The following SGCD variants were observed in gnomAD, a reference collection of about 807,000 sequenced individuals.
SGCD encodes the protein sarcoglycan delta, also known as delta-sarcoglycan.
In SGCD, 18 loss-of-function variants were observed where a neutral mutation model predicts 36.6. The observed-to-expected ratio is 0.49, with a 90% CI of 0.34 to 0.73. SGCD has a LOEUF of 0.73. Among genes scored for constraint, SGCD ranks in the 30% least tolerant of loss-of-function variants. The pLI is 0.01. For synonymous variants in SGCD, 133 were observed against 130.6 expected, an observed-to-expected ratio of 1.02 and a Z score of -0.12; for missense variants, 387 against 346.7, an observed-to-expected ratio of 1.12 and a Z score of -0.92.
chr5:156,375,031 A>G (rs1187648041), intron 3 of SGCD, among the ~76,000 whole-genome samples: 1 of 152,186 alleles, frequency 6.6e-6, no homozygotes, highest in African/African-American at 2.4e-5. Context: ...ATTTACCAAA[A>G]AATTGCAAGA....
At chr5:156,251,945 A>T (rs10039209) in intron 3 of SGCD, among the ~76,000 whole-genome samples, 3,049 of 152,312 alleles carry the variant, frequency 0.02, 79 homozygotes, top group African/African-American at 0.065. Flanking sequence ...TCTAAAAAGC[A>T]TCTTTGTTTC....
intron 1 of SGCD, among the ~76,000 whole-genome samples, chr5:156,074,168 A>G (rs1302807551): frequency 1.3e-5 from 2 of 152,238 alleles, no homozygotes; most frequent in Admixed American, 1.3e-4. Flanking sequence ...CCACATATGG[A>G]CTACATGAGA....
rs908227668 is a variant in SGCD, at chr5:156,032,534, T to C, written c.-281-85344T>C. On this transcript the variant is annotated intron_variant, in intron 1 of 9. Transcript: ENST00000517913. ...GAGATTGAAACCATCCTGGCTAACA[T>C]GGTGAAAACCCGTCTCTACTAAATA... 7.3e-5 allele frequency among the ~76,000 whole-genome samples: 11 copies of C among 151,038 alleles called. No homozygotes were observed. The East Asian group carries it at 1.8e-3, about 24-fold the overall frequency.
intron 3 of SGCD, among the ~76,000 whole-genome samples, chr5:156,126,752 C>T (rs1442398285): frequency 6.6e-6 from 1 of 152,268 alleles, no homozygotes; most frequent in East Asian, 1.9e-4. Context: ...AAAGGCAAAT[C>T]AAAGTTCCAA....
chr5:156,297,026 TATAA>T lies in SGCD; in HGVS notation c.-43-32504_-43-32501del, dbSNP rs958507243. 1.7e-3 allele frequency among the ~76,000 whole-genome samples: 237 copies of T among 141,120 alleles called. 2 individuals are homozygous for T. The highest frequency in any genetic ancestry group is 6.5e-3 in the African/African-American group (213 of 32,920). The allele number at this position is 141,120 out of a possible 152,430, so 92.6% of individuals were successfully genotyped here. On this transcript the variant is annotated intron_variant, in intron 3 of 9. Coordinates refer to the SGCD transcript ENST00000517913. ...TTTTTAATTTTATGTGTGTATAGCATATAAATATATATATATATATGGGATATAT... is the reference window on the plus strand; with the variant it reads ...TTTTTAATTTTATGTGTGTATAGCATATATATATATATATATGGGATATAT...
chr5:156,171,417 C>A (rs577310631), intron 3 of SGCD, among the ~76,000 whole-genome samples: 1 of 152,138 alleles, frequency 6.6e-6, no homozygotes, highest in Non-Finnish European at 1.5e-5. Flanking sequence ...ATCTAAACAG[C>A]TACATTTTTT....
chr5:155,929,538 A>T (rs1757059461), intron 1 of SGCD, among the ~76,000 whole-genome samples: 1 of 152,098 alleles, frequency 6.6e-6, no homozygotes. Context: ...AGCTCAGCTC[A>T]TAGAGTAGCC....
intron 1 of SGCD, among the ~76,000 whole-genome samples, chr5:155,959,300 T>C (rs1318786178): frequency 6.6e-6 from 1 of 152,180 alleles, no homozygotes; most frequent in Non-Finnish European, 1.5e-5. Flanking sequence ...CCAGGAGGCC[T>C]GGGCCAGTGC....
chr5:156,637,830 G>A (rs561695352), intron 6 of SGCD, among the ~76,000 whole-genome samples: 11 of 152,194 alleles, frequency 7.2e-5, no homozygotes, highest in African/African-American at 1.4e-4. Context: ...TAAAGCTTTC[G>A]TAACAGGACT....
chr5:156,708,023 A>G (rs1023869366), intron 7 of SGCD, among the ~76,000 whole-genome samples: 1 of 152,200 alleles, frequency 6.6e-6, no homozygotes, highest in African/African-American at 2.4e-5. Context: ...GAATTCTACC[A>G]TCCTGATCCT....
chr5:156,478,382 G>A (rs1449507266), intron 3 of SGCD, among the ~76,000 whole-genome samples: 1 of 152,104 alleles, frequency 6.6e-6, no homozygotes, highest in African/African-American at 2.4e-5. Flanking sequence ...AGGTGGCTCT[G>A]CTCCCCCTGG....
chr5:155,928,637 C>T (rs1757038490), intron 1 of SGCD, among the ~76,000 whole-genome samples: 1 of 139,432 alleles, frequency 7.2e-6, no homozygotes, highest in Admixed American at 7.6e-5. Flanking sequence ...CACTGCACTC[C>T]AGCCTGCTGA....
rs536468189 is a variant in SGCD at position 156,707,033 on chromosome 5, A to T, written c.576-50548A>T. ...AAAGAACAGAATAACAGAAAGTGACATGTATTCCAAAAAACACAACCACTT... is the reference window on the plus strand; with the variant it reads ...AAAGAACAGAATAACAGAAAGTGACTTGTATTCCAAAAAACACAACCACTT... On this transcript the variant is annotated intron_variant, in intron 7 of 8. Coordinates refer to ENST00000337851, the MANE Select transcript of SGCD (RefSeq NM_000337.6). Among the ~76,000 whole-genome samples the T allele has an allele frequency of 2.0e-5, 3 of 152,308 alleles. No individual in the cohort carries two copies. In the East Asian group the frequency reaches 5.8e-4, roughly 29 times the overall value.
intron 6 of SGCD, among the ~76,000 whole-genome samples, chr5:156,613,475 C>T (rs572773224): frequency 1.3e-5 from 2 of 152,320 alleles, no homozygotes; most frequent in African/African-American, 4.8e-5. Context: ...AGGCTGGTCT[C>T]ACTGTCATAT....
At chr5:156,634,383 CTGCACATCCT>C (rs1480503286) in intron 6 of SGCD, among the ~76,000 whole-genome samples, 1 of 152,048 alleles carries the variant, frequency 6.6e-6, no homozygotes, top group Admixed American at 6.6e-5. Flanking sequence ...TGTAACCAAC[CTGCACATCCT>C]TGCACATCCT....
intron 3 of SGCD, among the ~76,000 whole-genome samples, chr5:156,224,897 C>T (rs1262290307): frequency 6.6e-6 from 1 of 152,062 alleles, no homozygotes; most frequent in Non-Finnish European, 1.5e-5. Context: ...ATAAAGTAGA[C>T]AAAATCTTCC....
intron 3 of SGCD, among the ~76,000 whole-genome samples, chr5:156,266,766 C>G (rs1483246039): frequency 7.0e-6 from 1 of 143,134 alleles, no homozygotes; most frequent in Admixed American, 7.1e-5. Context: ...CTGTGACCCA[C>G]TGGCCCCACT....
intron 7 of SGCD, among the ~76,000 whole-genome samples, chr5:156,694,666 T>G (rs1754237707): frequency 6.6e-6 from 1 of 152,228 alleles, no homozygotes. Context: ...TGTGTTTATT[T>G]AATTAAAACA....
intron 4 of SGCD, among the ~76,000 whole-genome samples, chr5:156,577,865 G>C (rs1760048153): frequency 6.6e-6 from 1 of 152,190 alleles, no homozygotes; most frequent in Non-Finnish European, 1.5e-5. Flanking sequence ...TCTGCAAACA[G>C]GGACAAGTTG....
Sources: gnomAD v4.1 joint callset for allele counts (sites outside exome capture counted in the v4.1 genomes callset) on GRCh38, gnomAD v4.1.1 for gene constraint, MANE v1.5 for transcripts, NCBI Gene and HGNC (gene_info 2026-07-23, HGNC 2026-07-21) for gene names.